The following C12orf54 variants were observed in gnomAD, a reference collection of about 807,000 sequenced individuals.
The protein encoded by C12orf54 is uncharacterized protein C12orf54.
In C12orf54, 24 loss-of-function variants were observed where a neutral mutation model predicts 26.4. That is an observed-to-expected ratio of 0.91 (90% CI 0.66 to 1.28). The LOEUF (loss-of-function observed/expected upper bound fraction) is 1.28, where lower values mean the gene tolerates loss of function less well. Among genes scored for constraint, C12orf54 ranks in the 50% most tolerant of loss-of-function variants. The pLI, the probability that C12orf54 is intolerant of heterozygous loss-of-function variation, is 0.00. For missense variants in C12orf54, 154 were observed against 150.9 expected (o/e 1.02, Z -0.11); for synonymous variants, 54 against 47.0 (o/e 1.15, Z -0.61).
chr12:48,431,654 T>TA, the C12orf54 span, among the ~76,000 whole-genome samples: 2 of 152,198 alleles, frequency 1.3e-5, no homozygotes, highest in Non-Finnish European at 2.9e-5. Flanking sequence ...ATGAGTTTTA[T>TA]AAAAACCTTC....
chr12:48,470,667 T>C, the C12orf54 span, among the ~76,000 whole-genome samples: 32 of 149,262 alleles, frequency 2.1e-4, no homozygotes, highest in East Asian at 4.3e-3. Flanking sequence ...TTAGTTTAAT[T>C]AGGTCCCACT....
the C12orf54 span, among the ~76,000 whole-genome samples, chr12:48,422,126 G>A: frequency 6.6e-6 from 1 of 152,038 alleles, no homozygotes; most frequent in South Asian, 2.1e-4. Context: ...TTGTAAGAAG[G>A]GTTAAAAGAA....
chr12:48,427,954 G>C, the C12orf54 span, among the ~76,000 whole-genome samples: 4 of 152,106 alleles, frequency 2.6e-5, no homozygotes, highest in East Asian at 7.7e-4. Context: ...TAAGAAAGTT[G>C]AAATTATATC....
chr12:48,437,359 C>T, the C12orf54 span, among the ~76,000 whole-genome samples: 1 of 152,152 alleles, frequency 6.6e-6, no homozygotes, highest in Non-Finnish European at 1.5e-5. Flanking sequence ...TGAAACTATT[C>T]CAATCAGTAG....
intron 7 of C12orf54, among the ~76,000 whole-genome samples, chr12:48,494,141 C>T (rs1423022642): frequency 6.7e-6 from 1 of 148,640 alleles, no homozygotes; most frequent in African/African-American, 2.5e-5. Flanking sequence ...ATCACTTGAA[C>T]CCAGGAGGCA....
At chr12:48,481,305 TA>T (rs1954195843), upstream of C12orf54, among the ~76,000 whole-genome samples, 1 of 151,594 alleles carries the variant, frequency 6.6e-6, no homozygotes, top group Non-Finnish European at 1.5e-5. Flanking sequence ...CATGAAAGGG[TA>T]AAAGTCCCTG....
chr12:48,440,411 C>T, the C12orf54 span, among the ~76,000 whole-genome samples: 1 of 152,020 alleles, frequency 6.6e-6, no homozygotes, highest in Non-Finnish European at 1.5e-5. Context: ...AATTTTAGTC[C>T]ACATGCCTCC....
At chr12:48,426,399 G>A in the C12orf54 span, among the ~76,000 whole-genome samples, 1 of 151,988 alleles carries the variant, frequency 6.6e-6, no homozygotes, top group Non-Finnish European at 1.5e-5. Flanking sequence ...TTGTAGGTTT[G>A]AGACCTTCTT....
chr12:48,486,589 C>G, intron 3 of C12orf54, 99 bp from the exon 4 acceptor site: 1 of 1,315,242 alleles, frequency 7.6e-7, no homozygotes, highest in Non-Finnish European at 1.1e-6. Context: ...CAGCTCAATT[C>G]CAAGAAACAT....
chr12:48,458,136 T>C, the C12orf54 span, among the ~76,000 whole-genome samples: 1 of 152,192 alleles, frequency 6.6e-6, no homozygotes, highest in Non-Finnish European at 1.5e-5. Flanking sequence ...ATATCAGAAA[T>C]GCAGAAAAGG....
At chr12:48,486,927 C>T (rs923542183) in intron 4 of C12orf54, among the ~76,000 whole-genome samples, 7 of 152,164 alleles carry the variant, frequency 4.6e-5, no homozygotes, top group Admixed American at 4.6e-4. Context: ...CATGTTAGTG[C>T]CCCTTCCTGG....
chr12:48,445,528 G>A, the C12orf54 span, among the ~76,000 whole-genome samples: 2 of 152,172 alleles, frequency 1.3e-5, no homozygotes, highest in African/African-American at 2.4e-5. Flanking sequence ...AGTGCCCAGA[G>A]TCTATCGCTG....
At chr12:48,478,072 G>A (rs1422827452), upstream of C12orf54, among the ~76,000 whole-genome samples, 15 of 152,172 alleles carry the variant, frequency 9.9e-5, no homozygotes, top group Admixed American at 9.8e-4. Flanking sequence ...CTTCATCCCT[G>A]GGATGCAAGG....
the C12orf54 span, among the ~76,000 whole-genome samples, chr12:48,440,293 A>C: frequency 6.6e-6 from 1 of 152,126 alleles, no homozygotes; most frequent in Non-Finnish European, 1.5e-5. Flanking sequence ...GTTCTCTTTG[A>C]GTTTATGCTG....
chr12:48,449,824 G>A, the C12orf54 span, among the ~76,000 whole-genome samples: 6 of 150,178 alleles, frequency 4.0e-5, no homozygotes, highest in Admixed American at 1.3e-4. Flanking sequence ...TCTCAACTAT[G>A]TCCCCACCCA....
the C12orf54 span, among the ~76,000 whole-genome samples, chr12:48,458,561 G>A: frequency 5.3e-4 from 81 of 152,204 alleles, no homozygotes; most frequent in African/African-American, 1.9e-3. Context: ...AGCTTCTCAA[G>A]GACAGGGACC....
chr12:48,479,427 G>A (rs1954176045), upstream of C12orf54, among the ~76,000 whole-genome samples: 1 of 152,054 alleles, frequency 6.6e-6, no homozygotes, highest in Admixed American at 6.6e-5. Context: ...ACTAGTTAAT[G>A]GGTGCAGCAC....
chr12:48,449,190 T>A, the C12orf54 span, among the ~76,000 whole-genome samples: 4 of 152,288 alleles, frequency 2.6e-5, no homozygotes, highest in Non-Finnish European at 1.5e-5. Context: ...TATTCAGACC[T>A]TTAAAATATG....
the C12orf54 span, among the ~76,000 whole-genome samples, chr12:48,428,119 C>T: frequency 1.3e-5 from 2 of 151,976 alleles, no homozygotes; most frequent in Non-Finnish European, 2.9e-5. Flanking sequence ...ATTCTTCGAA[C>T]TGAATGACAC....
Sources: gnomAD v4.1 joint callset for allele counts (sites outside exome capture counted in the v4.1 genomes callset) on GRCh38, gnomAD v4.1.1 for gene constraint, MANE v1.5 for transcripts, NCBI Gene and HGNC (gene_info 2026-07-23, HGNC 2026-07-21) for gene names.